The following PTPRT variants were observed in gnomAD, a reference collection of about 807,000 sequenced individuals.
PTPRT encodes the protein protein tyrosine phosphatase receptor type T.
PTPRT carries 56 observed loss-of-function variants against 176.8 expected under a neutral mutation model. The observed-to-expected ratio is 0.32, with a 90% CI of 0.26 to 0.40. PTPRT has a LOEUF of 0.40. Among genes scored for constraint, PTPRT ranks in the 10% least tolerant of loss-of-function variants. The pLI is 1.00. For missense variants in PTPRT, 1,540 were observed against 1,908.2 expected, an observed-to-expected ratio of 0.81 and a Z score of 3.60; for synonymous variants, 783 against 739.0, an observed-to-expected ratio of 1.06 and a Z score of -0.96.
At chr20:43,061,645 TC>T (rs1987467668) in intron 1 of PTPRT, among the ~76,000 whole-genome samples, 1 of 152,228 alleles carries the variant, frequency 6.6e-6, no homozygotes, top group African/African-American at 2.4e-5. Context: ...TTACTCCATG[TC>T]TAGCACTGTT....
At chr20:43,042,230 T>C (rs755464794) in intron 1 of PTPRT, among the ~76,000 whole-genome samples, 16 of 152,218 alleles carry the variant, frequency 1.1e-4, no homozygotes, top group Admixed American at 2.0e-4. Context: ...CTCCAGCACA[T>C]AGTAGGTACA....
intron 2 of PTPRT, among the ~76,000 whole-genome samples, chr20:42,829,201 C>CTGATT (rs1170113382): frequency 1.3e-5 from 2 of 149,366 alleles, no homozygotes; most frequent in East Asian, 4.0e-4. Flanking sequence ...TAATTACTGC[C>CTGATT]TGATTCTAGA....
intron 6 of PTPRT, among the ~76,000 whole-genome samples, chr20:42,737,710 A>G (rs2076560214): frequency 6.6e-6 from 1 of 151,970 alleles, no homozygotes; most frequent in African/African-American, 2.4e-5. Flanking sequence ...TGGACCTTGG[A>G]CTTCAGGACT....
chr20:42,132,523 A>T (rs551194737), intron 18 of PTPRT, among the ~76,000 whole-genome samples: 1 of 152,346 alleles, frequency 6.6e-6, no homozygotes, highest in East Asian at 1.9e-4. Context: ...ATCTGAACAG[A>T]CACCTAATCA....
At chr20:42,055,635 C>G in the PTPRT span, among the ~76,000 whole-genome samples, 34 of 152,150 alleles carry the variant, frequency 2.2e-4, 1 homozygote, top group Admixed American at 1.6e-3. Context: ...CTGACACACT[C>G]TTATTTCCTC....
intron 9 of PTPRT, 39 bp from the exon 10 acceptor site, chr20:42,352,324 C>T (rs748735487): frequency 1.9e-6 from 3 of 1,602,682 alleles, no homozygotes; most frequent in Admixed American, 3.3e-5. Context: ...CAAATAAATG[C>T]CTCACTCAGG....
At chr20:42,495,342 A>G (rs1365757714) in intron 7 of PTPRT, among the ~76,000 whole-genome samples, 1 of 152,184 alleles carries the variant, frequency 6.6e-6, no homozygotes, top group African/African-American at 2.4e-5. Context: ...TCTCTAGGCC[A>G]GAGGGCAGTG....
At chr20:42,194,432 T>C (rs1267726240) in intron 16 of PTPRT, among the ~76,000 whole-genome samples, 1 of 152,302 alleles carries the variant, frequency 6.6e-6, no homozygotes, top group East Asian at 1.9e-4. Context: ...TGGTACCCAG[T>C]AGGCAAGTTA....
intron 1 of PTPRT, among the ~76,000 whole-genome samples, chr20:43,033,219 G>C (rs888122999): frequency 1.3e-5 from 2 of 152,156 alleles, no homozygotes; most frequent in African/African-American, 4.8e-5. Context: ...CATGTCAGTA[G>C]ATGTGAAGAC....
chr20:42,763,093 A>T (rs1427844360), intron 5 of PTPRT, among the ~76,000 whole-genome samples: 2 of 152,224 alleles, frequency 1.3e-5, no homozygotes, highest in Admixed American at 1.3e-4. Context: ...CCACCTAAAG[A>T]GGAAGGCAAG....
chr20:42,366,737 C>T (rs748491912), intron 9 of PTPRT, among the ~76,000 whole-genome samples: 3 of 151,922 alleles, frequency 2.0e-5, no homozygotes, highest in African/African-American at 4.8e-5. Flanking sequence ...TTTCTCTCTG[C>T]CCCTCTTGTG....
chr20:43,179,226 C>G (rs891421418), intron 1 of PTPRT, among the ~76,000 whole-genome samples: 3 of 152,130 alleles, frequency 2.0e-5, no homozygotes, highest in African/African-American at 7.2e-5. Flanking sequence ...TGTACTACTG[C>G]CACAACAACC....
intron 9 of PTPRT, among the ~76,000 whole-genome samples, chr20:42,419,520 A>G (rs2059096757): frequency 2.6e-5 from 4 of 152,104 alleles, no homozygotes; most frequent in African/African-American, 7.2e-5. Flanking sequence ...CCTCCAGGCA[A>G]TAGTACTTTC....
chr20:42,339,813 G>GT (rs1481251199), intron 11 of PTPRT, among the ~76,000 whole-genome samples: 1 of 152,208 alleles, frequency 6.6e-6, no homozygotes, highest in African/African-American at 2.4e-5. Context: ...GAAGTGATGT[G>GT]GGGAAATTTT....
intron 15 of PTPRT, among the ~76,000 whole-genome samples, chr20:42,223,854 T>C (rs1217442176): frequency 6.6e-6 from 1 of 152,228 alleles, no homozygotes; most frequent in Non-Finnish European, 1.5e-5. Flanking sequence ...AAGTCCATTG[T>C]TGCTAAGCTG....
chr20:42,091,216 C>T (rs1250651797), intron 27 of PTPRT, among the ~76,000 whole-genome samples: 1 of 152,212 alleles, frequency 6.6e-6, no homozygotes, highest in Non-Finnish European at 1.5e-5. Context: ...ATACATTATT[C>T]CACCTAGTGC....
intron 8 of PTPRT, among the ~76,000 whole-genome samples, chr20:42,459,851 C>G: frequency 6.7e-6 from 1 of 149,518 alleles, no homozygotes; most frequent in Middle Eastern, 3.3e-3. Flanking sequence ...CCACCACACC[C>G]AGCAATTCAC....
At chr20:42,778,382 G>A (rs1019788009) in intron 4 of PTPRT, among the ~76,000 whole-genome samples, 2 of 152,116 alleles carry the variant, frequency 1.3e-5, no homozygotes, top group Non-Finnish European at 2.9e-5. Context: ...ATTCCCATTA[G>A]AGCACAAAGT....
chr20:42,452,624 G>A (rs913184348), intron 8 of PTPRT, among the ~76,000 whole-genome samples: 3 of 152,088 alleles, frequency 2.0e-5, no homozygotes, highest in African/African-American at 7.2e-5. Flanking sequence ...CTATCTGACG[G>A]AAATTGAGGA....
Sources: allele counts gnomAD v4.1 joint callset (sites outside exome capture counted in the v4.1 genomes callset), GRCh38; gene constraint gnomAD v4.1.1; transcripts MANE v1.5; gene names NCBI Gene and HGNC (gene_info 2026-07-23, HGNC 2026-07-21).